The following MEF2B variants were observed in gnomAD, a reference collection of about 807,000 sequenced individuals.
MEF2B encodes myocyte-specific enhancer factor 2B.
MEF2B carries 15 observed loss-of-function variants against 32.2 expected under a neutral mutation model. That is an observed-to-expected ratio of 0.47 (90% CI 0.31 to 0.72). The LOEUF (loss-of-function observed/expected upper bound fraction) is 0.72. Among genes scored for constraint, MEF2B ranks in the 30% least tolerant of loss-of-function variants. The probability of loss-of-function intolerance (pLI) is 0.05; values close to 1 mark genes in which losing one functional copy is unlikely to be tolerated. For missense variants in MEF2B, 441 were observed against 511.5 expected, an observed-to-expected ratio of 0.86 and a Z score of 1.33; for synonymous variants, 205 against 225.6, an observed-to-expected ratio of 0.91 and a Z score of 0.82.
At chr19:19,158,470 G>C (rs1047476281) in intron 1 of MEF2B, among the ~76,000 whole-genome samples, 3 of 149,608 alleles carry the variant, frequency 2.0e-5, no homozygotes, top group Non-Finnish European at 4.5e-5. Flanking sequence ...AAACAAACTA[G>C]GGCCAGGCCA....
At chr19:19,151,042 T>C (rs11879715) in intron 1 of MEF2B, among the ~76,000 whole-genome samples, 24,711 of 152,070 alleles carry the variant, frequency 0.16, 2,271 homozygotes, top group East Asian at 0.34. Flanking sequence ...CACTTGAGCC[T>C]GGGAGTTTGA....
intron 1 of MEF2B, among the ~76,000 whole-genome samples, chr19:19,155,156 G>A (rs1353831105): frequency 6.6e-6 from 1 of 152,102 alleles, no homozygotes; most frequent in African/African-American, 2.4e-5. Flanking sequence ...CACTCTCCAT[G>A]GCTCCCCACT....
At chr19:19,147,208 A>G in intron 4 of MEF2B, 25 bp from the exon 5 acceptor site, 1 of 1,365,026 alleles carries the variant, frequency 7.3e-7, no homozygotes, top group South Asian at 1.3e-5. Context: ...GGGATGGGTC[A>G]GAGGACCCCA....
chr19:19,147,883 G>A (rs931088896), intron 3 of MEF2B, 51 bp from the exon 4 acceptor site: 4 of 1,578,378 alleles, frequency 2.5e-6, no homozygotes, highest in Admixed American at 3.6e-5. Flanking sequence ...CCCCACCCAG[G>A]GAACCCAGTT....
chr19:19,167,292 A>G (rs987599448), intron 1 of MEF2B, among the ~76,000 whole-genome samples: 2 of 149,150 alleles, frequency 1.3e-5, no homozygotes, highest in African/African-American at 5.0e-5. Context: ...TGGAGGTTGC[A>G]GTGAGCCGAG....
chr19:19,165,170 C>A (rs756841020), intron 1 of MEF2B, among the ~76,000 whole-genome samples: 1 of 152,130 alleles, frequency 6.6e-6, no homozygotes, highest in Non-Finnish European at 1.5e-5. Context: ...GGCCTCCCCC[C>A]ATCACCCAGT....
At chr19:19,149,581 C>T in intron 2 of MEF2B, 152 bp from the exon 3 acceptor site, 1 of 1,118,118 alleles carries the variant, frequency 8.9e-7, no homozygotes, top group Non-Finnish European at 1.3e-6. Flanking sequence ...ACCTGGCAAA[C>T]TCCTACTGGA....
At chr19:19,148,728 T>C (rs1341921808) in intron 3 of MEF2B, among the ~76,000 whole-genome samples, 1 of 148,608 alleles carries the variant, frequency 6.7e-6, no homozygotes, top group Non-Finnish European at 1.5e-5. Context: ...TATTTATTTT[T>C]TGAGACAGAG....
chr19:19,155,766 C>G (rs1222864271), intron 1 of MEF2B, among the ~76,000 whole-genome samples: 3 of 152,238 alleles, frequency 2.0e-5, no homozygotes, highest in Non-Finnish European at 4.4e-5. Flanking sequence ...GGCCCATTCT[C>G]CAGATGTTGG....
At position 19,147,730 on chromosome 19, in the gene MEF2B, C is replaced by A; in HGVS notation, c.361G>T (p.Gly121Cys). 1 of 1,613,884 alleles carries A rather than the reference C, an allele frequency of 6.2e-7. No homozygotes were observed. Among genetic ancestry groups the A allele is most frequent in the Non-Finnish European group, 8.5e-7 (1 of 1,179,904 alleles). Residue 121 changes from glycine (G) to cysteine (C), a missense_variant, in exon 4 of 9, where the codon GGT becomes TGT. Physicochemically the swap from Gly to Cys is radical, Grantham distance 159. Transcript: ENST00000424583. ...EKFRRLAGEG[G>C]DPALPRPRLY... ...CGGGGTCGGGGCAAGGCCGGATCACCCCCTTCGCCTGCCAGCCTCCGAAAC... is the reference window on the plus strand; with the variant it reads ...CGGGGTCGGGGCAAGGCCGGATCACACCCTTCGCCTGCCAGCCTCCGAAAC...
intron 1 of MEF2B, 133 bp downstream of exon 1, chr19:19,170,072 A>C (rs1223382302): frequency 2.5e-6 from 1 of 396,888 alleles, no homozygotes; most frequent in East Asian, 3.6e-5. Context: ...TCACCACCCC[A>C]CGACACACAC....
In MEF2B at chr19:19,156,405, AT is replaced by A. The variant is rs912897531; in HGVS notation, c.-29-5642del. On this transcript the variant is annotated intron_variant, in intron 1 of 8. Coordinates refer to ENST00000424583, the MANE Select transcript of MEF2B (RefSeq NM_001145785.2). ...GAGACCCCTATCTCTAAAAAAAAAA[AT>A]TTTTTTTTTAAAGGCAATAAAGTTC... is the stretch of plus-strand genomic sequence containing the variant. 1.6e-4 allele frequency among the ~76,000 whole-genome samples: 24 copies of A among 150,450 alleles called. No homozygotes were observed. In the East Asian group the frequency reaches 3.1e-3, roughly 20 times the overall value.
intron 2 of MEF2B, 113 bp from the exon 3 acceptor site, chr19:19,149,542 C>A: frequency 2.9e-6 from 4 of 1,373,198 alleles, no homozygotes; most frequent in Middle Eastern, 2.2e-4. Flanking sequence ...AGGATTCTTT[C>A]TGGCTGAGCT....
At chr19:19,160,072 G>A (rs1303789800) in intron 1 of MEF2B, among the ~76,000 whole-genome samples, 2 of 151,384 alleles carry the variant, frequency 1.3e-5, no homozygotes, top group South Asian at 2.1e-4. Flanking sequence ...AGGTTTAAGC[G>A]ATTGTCCTGC....
chr19:19,157,855 A>C (rs371681276), intron 1 of MEF2B, among the ~76,000 whole-genome samples: 519 of 152,254 alleles, frequency 3.4e-3, no homozygotes, highest in Non-Finnish European at 5.7e-3. Flanking sequence ...GTCAAAAAAA[A>C]CAAAAAACAA....
Sources: allele counts gnomAD v4.1 joint callset (sites outside exome capture counted in the v4.1 genomes callset), GRCh38; gene constraint gnomAD v4.1.1; transcripts MANE v1.5; gene names NCBI Gene and HGNC (gene_info 2026-07-23, HGNC 2026-07-21).